Variants in HPSE2 observed in about 807,000 individuals in gnomAD.
The protein encoded by HPSE2 is heparanase 2 (inactive), also known as inactive heparanase-2.
HPSE2 carries 38 observed loss-of-function variants against 60.5 expected under a neutral mutation model. The ratio of observed to expected loss-of-function variants is 0.63; its 90% CI spans 0.48 to 0.82. HPSE2 has a LOEUF of 0.82. Among genes scored for constraint, HPSE2 ranks in the 40% least tolerant of loss-of-function variants. The pLI is 0.00. For missense variants in HPSE2, 713 were observed against 740.4 expected, an observed-to-expected ratio of 0.96 and a Z score of 0.43; for synonymous variants, 295 against 293.2, an observed-to-expected ratio of 1.01 and a Z score of -0.06.
At chr10:98,718,641 C>T (rs1225994936) in intron 5 of HPSE2, among the ~76,000 whole-genome samples, 5 of 152,124 alleles carry the variant, frequency 3.3e-5, no homozygotes, top group South Asian at 2.1e-4. Flanking sequence ...TTCAGCAACA[C>T]GGATGGAACT....
In HPSE2 at chr10:98,776,462, C is replaced by T. The variant is rs770118651; in HGVS notation, c.611-32406G>A. Among the ~76,000 whole-genome samples, 5 of 151,692 alleles carry T rather than the reference C, an allele frequency of 3.3e-5. No homozygotes were observed. In the East Asian group the frequency reaches 5.8e-4, roughly 18 times the overall value. ...AACTCTGTCTCAAAAATAATAATAA[C>T]GATAATAATAATAATAAACAGTATA... On this transcript the variant is annotated intron_variant, in intron 3 of 11. Transcript: ENST00000370552.
chr10:98,545,705 G>A (rs1943647369), intron 9 of HPSE2, among the ~76,000 whole-genome samples: 1 of 151,886 alleles, frequency 6.6e-6, no homozygotes, highest in African/African-American at 2.4e-5. Flanking sequence ...CATACTGAAT[G>A]GGCAAAAACT....
intron 3 of HPSE2, among the ~76,000 whole-genome samples, chr10:99,127,717 C>T (rs1054498621): frequency 5.3e-5 from 8 of 152,212 alleles, no homozygotes; most frequent in Admixed American, 3.3e-4. Context: ...AATCAAGACA[C>T]AGGAAAGAAT....
chr10:98,747,538 A>G (rs992369570), intron 3 of HPSE2, among the ~76,000 whole-genome samples: 1 of 152,228 alleles, frequency 6.6e-6, no homozygotes, highest in Non-Finnish European at 1.5e-5. Flanking sequence ...AAAGAGCAGT[A>G]TGGGAGAAAC....
At chr10:98,868,372 C>T (rs1481870436) in intron 3 of HPSE2, among the ~76,000 whole-genome samples, 1 of 151,486 alleles carries the variant, frequency 6.6e-6, no homozygotes, top group African/African-American at 2.4e-5. Flanking sequence ...GTGTGGGCAG[C>T]GGGGAGGTGG....
At chr10:98,654,886 C>G (rs1476111453) in intron 6 of HPSE2, among the ~76,000 whole-genome samples, 1 of 152,102 alleles carries the variant, frequency 6.6e-6, no homozygotes, top group Non-Finnish European at 1.5e-5. Context: ...CAGTAGATGC[C>G]AGAGGCTTCA....
chr10:98,852,113 A>ATATATATATGTGTGTGTGTGTG (rs779720749), intron 3 of HPSE2, among the ~76,000 whole-genome samples: 1 of 91,926 alleles, frequency 1.1e-5, no homozygotes, highest in African/African-American at 4.6e-5. Context: ...GTATATTATG[A>ATATATATATGTGTGTGTGTGTG]TGTGTGTGTG....
the HPSE2 span, among the ~76,000 whole-genome samples, chr10:99,248,401 A>C: frequency 6.6e-6 from 1 of 152,200 alleles, no homozygotes; most frequent in Non-Finnish European, 1.5e-5. Flanking sequence ...GGAACTTTAA[A>C]CTTGAAAGTG....
At chr10:98,791,284 T>C (rs970287743) in intron 3 of HPSE2, among the ~76,000 whole-genome samples, 1 of 152,260 alleles carries the variant, frequency 6.6e-6, no homozygotes, top group Admixed American at 6.5e-5. Context: ...CTATTGTAGA[T>C]ACAAAGTACA....
At chr10:99,047,669 G>C in intron 3 of HPSE2, 1 of 779,032 alleles carries the variant, frequency 1.3e-6, no homozygotes, top group Admixed American at 1.8e-5. Context: ...GAAGAAGACG[G>C]TTCCTGCTGT....
chr10:99,024,575 T>C (rs1421004193), intron 3 of HPSE2, among the ~76,000 whole-genome samples: 1 of 152,010 alleles, frequency 6.6e-6, no homozygotes, highest in Non-Finnish European at 1.5e-5. Context: ...AAAAAGGTTA[T>C]AGAACACCAA....
intron 4 of HPSE2, among the ~76,000 whole-genome samples, chr10:98,726,747 A>T (rs1949093985): frequency 6.6e-6 from 1 of 151,906 alleles, no homozygotes; most frequent in African/African-American, 2.4e-5. Context: ...CCTGTAATCT[A>T]GAAGGCTAAA....
intron 9 of HPSE2, among the ~76,000 whole-genome samples, chr10:98,548,691 A>G (rs1943770201): frequency 1.3e-5 from 2 of 152,158 alleles, no homozygotes; most frequent in African/African-American, 4.8e-5. Context: ...AAGTGCTGAC[A>G]TAGGCATTCC....
At chr10:98,686,221 C>T (rs1358627397) in intron 6 of HPSE2, among the ~76,000 whole-genome samples, 1 of 152,088 alleles carries the variant, frequency 6.6e-6, no homozygotes, top group Non-Finnish European at 1.5e-5. Context: ...TTAATAGCTT[C>T]TTCAGATAGA....
chr10:99,229,211 CG>C (rs967522701), intron 2 of HPSE2, among the ~76,000 whole-genome samples: 7 of 151,530 alleles, frequency 4.6e-5, no homozygotes, highest in African/African-American at 1.2e-4. Context: ...GCAATATAAA[CG>C]GATTAACCAG....
At chr10:98,807,731 TA>T (rs1951074198) in intron 3 of HPSE2, among the ~76,000 whole-genome samples, 1 of 152,238 alleles carries the variant, frequency 6.6e-6, no homozygotes. Flanking sequence ...TTAAGTTTCC[TA>T]AATGATATAA....
At chr10:99,235,080 C>A (rs894427928) in intron 1 of HPSE2, among the ~76,000 whole-genome samples, 1 of 141,860 alleles carries the variant, frequency 7.0e-6, no homozygotes, top group Non-Finnish European at 1.5e-5. Flanking sequence ...CACTCACACA[C>A]ACACACTCTC....
chr10:99,200,456 A>T (rs1180669361), intron 2 of HPSE2, among the ~76,000 whole-genome samples: 2 of 152,114 alleles, frequency 1.3e-5, no homozygotes, highest in East Asian at 3.8e-4. Context: ...TTTGGGGTCA[A>T]GTGATCTGAG....
At chr10:98,925,397 T>G (rs1954424952) in intron 3 of HPSE2, among the ~76,000 whole-genome samples, 1 of 151,632 alleles carries the variant, frequency 6.6e-6, no homozygotes, top group Non-Finnish European at 1.5e-5. Flanking sequence ...TGGCAGGGTA[T>G]AAGTGAGGGC....
Sources: gnomAD v4.1 joint callset for allele counts (sites outside exome capture counted in the v4.1 genomes callset) on GRCh38, gnomAD v4.1.1 for gene constraint, MANE v1.5 for transcripts, NCBI Gene and HGNC (gene_info 2026-07-23, HGNC 2026-07-21) for gene names.